COG5: variants seen among roughly 807,000 people sequenced by gnomAD.
COG5 encodes the protein conserved oligomeric Golgi complex subunit 5.
In COG5, 86 loss-of-function variants were observed where a neutral mutation model predicts 110.4. That is an observed-to-expected ratio of 0.78 (90% confidence interval 0.65 to 0.93). The LOEUF is 0.93. Among genes scored for constraint, COG5 ranks in the 40% least tolerant of loss-of-function variants. COG5 has a pLI of 0.00. For synonymous variants in COG5, 360 were observed against 334.6 expected, an observed-to-expected ratio of 1.08 and a Z score of -0.83; for missense variants, 1,077 against 987.0, an observed-to-expected ratio of 1.09 and a Z score of -1.22.
In COG5 at chr7:107,236,792, G is replaced by A. The variant is rs574314998; in HGVS notation, c.1854-105C>T. 6.2e-5 allele frequency: 50 copies of A among 810,164 alleles called. No individual in the cohort carries two copies. The South Asian group carries it at 6.6e-4, about 11-fold the overall frequency. 50.2% of individuals were successfully genotyped at this position (810,164 alleles called of 1,614,324 possible). ...TGCTGCTATTTCAATCCTTTGTAATGTTTTCCCTTAATGGTATAAAAGACA... is the reference window on the plus strand; with the variant it reads ...TGCTGCTATTTCAATCCTTTGTAATATTTTCCCTTAATGGTATAAAAGACA... On this transcript the variant is annotated intron_variant, in intron 17 of 21. Transcript: ENST00000297135.
chr7:107,286,319 T>C (rs751102652), intron 12 of COG5, among the ~76,000 whole-genome samples: 1 of 152,162 alleles, frequency 6.6e-6, no homozygotes, highest in Non-Finnish European at 1.5e-5. Context: ...AACTTGTTCT[T>C]TGACCTTATT....
At chr7:107,493,253 T>C (rs549802446) in intron 6 of COG5, among the ~76,000 whole-genome samples, 30 of 152,288 alleles carry the variant, frequency 2.0e-4, no homozygotes, top group Non-Finnish European at 4.0e-4. Context: ...CCTCCAGAAC[T>C]GTGAGATACT....
chr7:107,437,921 A>G (rs1027222475), intron 6 of COG5, among the ~76,000 whole-genome samples: 2 of 152,196 alleles, frequency 1.3e-5, no homozygotes, highest in East Asian at 3.8e-4. Flanking sequence ...AAATATGTCC[A>G]TGAGAAACAG....
In COG5 at chr7:107,282,037, A is replaced by G. The variant is rs370654775; in HGVS notation, c.1476-638T>C. ...AAAAAAAAAAAAGTATTTTACGAAG[A>G]CCATGGAAAGAACACTAGAAATTAA... On this transcript the variant is annotated intron_variant, in intron 13 of 21. Transcript: ENST00000297135. 3.6e-4 allele frequency among the ~76,000 whole-genome samples: 55 copies of G among 151,876 alleles called. 1 individual carries two copies. The South Asian group carries it at 0.011, about 30-fold the overall frequency.
At chr7:107,537,738 T>TA (rs943575751) in intron 5 of COG5, among the ~76,000 whole-genome samples, 82 of 138,014 alleles carry the variant, frequency 5.9e-4, no homozygotes, top group Middle Eastern at 3.8e-3. Context: ...AAGTATAATT[T>TA]AAAAAAAAAA....
intron 5 of COG5, among the ~76,000 whole-genome samples, chr7:107,533,606 A>G (rs1801367615): frequency 6.6e-6 from 1 of 151,688 alleles, no homozygotes; most frequent in Non-Finnish European, 1.5e-5. Context: ...CATGAAGAAA[A>G]GATCAGAGAA....
rs886061867 is a variant in COG5 at position 107,202,032 on chromosome 7, A to G, written c.*1484T>C. ...AGCCACCTGCTGCAGTTACCATGGC[A>G]TGCTGAGTTGATGCACCAGGTGGCA... is the stretch of plus-strand genomic sequence containing the variant. On this transcript the variant is annotated 3_prime_UTR_variant, in exon 22 of 22. Coordinates refer to ENST00000297135, the MANE Select transcript of COG5 (RefSeq NM_006348.5). 6.5e-6 allele frequency: 1 copy of G among 152,690 alleles called. No individual in the cohort carries two copies. Among genetic ancestry groups the G allele is most frequent in the Non-Finnish European group, 1.5e-5 (1 of 68,070 alleles). 9.5% of individuals were successfully genotyped at this position (152,690 alleles called of 1,614,324 possible). A position where few individuals can be genotyped will look rare whatever the true frequency, so the allele number is the denominator to read the frequency against.
chr7:107,300,905 TATAAAACTA>T (rs1807204097), intron 11 of COG5, among the ~76,000 whole-genome samples: 1 of 152,040 alleles, frequency 6.6e-6, no homozygotes. Flanking sequence ...TTTCAAGACA[TATAAAACTA>T]TAATAATTAA....
intron 6 of COG5, chr7:107,475,202 A>C: frequency 6.2e-7 from 1 of 1,612,282 alleles, no homozygotes. Context: ...TTGAAAAGTA[A>C]AATGAAAAAG....
At chr7:107,294,197 A>G (rs1333600871) in intron 12 of COG5, among the ~76,000 whole-genome samples, 1 of 152,206 alleles carries the variant, frequency 6.6e-6, no homozygotes, top group Non-Finnish European at 1.5e-5. Flanking sequence ...CAAAAGAAAA[A>G]TATTAATTAA....
At chr7:107,419,506 G>A (rs1467554311) in intron 6 of COG5, among the ~76,000 whole-genome samples, 2 of 151,352 alleles carry the variant, frequency 1.3e-5, no homozygotes, top group African/African-American at 4.8e-5. Flanking sequence ...AATGGAGGAG[G>A]TATATTTATC....
chr7:107,482,267 T>C (rs1797399476), intron 6 of COG5, among the ~76,000 whole-genome samples: 1 of 151,630 alleles, frequency 6.6e-6, no homozygotes, highest in Non-Finnish European at 1.5e-5. Context: ...CTCAGCCTCC[T>C]GAGTAGCCCG....
chr7:107,371,052 A>G (rs1465053792), intron 8 of COG5, among the ~76,000 whole-genome samples: 1 of 152,036 alleles, frequency 6.6e-6, no homozygotes, highest in Admixed American at 6.6e-5. Context: ...GCTCCTGGAA[A>G]TTTAAACATT....
At chr7:107,368,220 T>C (rs947926878) in intron 8 of COG5, among the ~76,000 whole-genome samples, 1 of 152,148 alleles carries the variant, frequency 6.6e-6, no homozygotes, top group Non-Finnish European at 1.5e-5. Flanking sequence ...GTATTTCTTA[T>C]GAAGAAGCAT....
At chr7:107,411,923 C>T (rs76145119) in intron 7 of COG5, among the ~76,000 whole-genome samples, 22,811 of 152,030 alleles carry the variant, frequency 0.15, 2,218 homozygotes, top group Non-Finnish European at 0.21. Flanking sequence ...GAATCTAATA[C>T]ATCAATACCT....
chr7:107,490,183 C>G (rs1797899221), intron 6 of COG5, among the ~76,000 whole-genome samples: 1 of 152,064 alleles, frequency 6.6e-6, no homozygotes, highest in Admixed American at 6.6e-5. Context: ...CTACTCTCTT[C>G]CAGTATCGTC....
chr7:107,211,287 G>A, intron 19 of COG5, 62 bp from the exon 20 acceptor site: 7 of 1,565,570 alleles, frequency 4.5e-6, no homozygotes, highest in Non-Finnish European at 6.1e-6. Flanking sequence ...GATTTGGTGG[G>A]AGAATCATTC....
At chr7:107,232,996 C>G (rs1056866796) in intron 18 of COG5, among the ~76,000 whole-genome samples, 1 of 152,134 alleles carries the variant, frequency 6.6e-6, no homozygotes, top group Non-Finnish European at 1.5e-5. Flanking sequence ...GAAGAAAAGG[C>G]AATAGGAATT....
At chr7:107,294,103 T>G (rs78079372) in intron 12 of COG5, among the ~76,000 whole-genome samples, 27,311 of 151,968 alleles carry the variant, frequency 0.18, 2,655 homozygotes, top group Non-Finnish European at 0.22. Context: ...AGTGCATGAT[T>G]ACTTCCAAAT....
Sources: allele counts gnomAD v4.1 joint callset (sites outside exome capture counted in the v4.1 genomes callset), GRCh38; gene constraint gnomAD v4.1.1; transcripts MANE v1.5; gene names NCBI Gene and HGNC (gene_info 2026-07-23, HGNC 2026-07-21).